Variants in PSD3 observed in about 807,000 individuals in gnomAD.
PSD3 encodes PH and SEC7 domain-containing protein 3.
PSD3 carries 49 observed loss-of-function variants against 105.5 expected under a neutral mutation model. The observed-to-expected ratio is 0.46, with a 90% CI of 0.37 to 0.59. The LOEUF (loss-of-function observed/expected upper bound fraction) is 0.59, where lower values mean the gene tolerates loss of function less well. Ranked by LOEUF, PSD3 falls within the 20% of genes least tolerant of loss-of-function variation. The pLI is 0.00. For synonymous variants in PSD3, 557 were observed against 457.8 expected (o/e 1.22, Z -2.77); for missense variants, 1,561 against 1,263.8 (o/e 1.24, Z -3.57).
intron 1 of PSD3, among the ~76,000 whole-genome samples, chr8:18,970,344 A>AAAAAAAAAAAAAAAAAG (rs1563474672): frequency 2.0e-5 from 3 of 148,408 alleles, no homozygotes; most frequent in African/African-American, 7.6e-5. Flanking sequence ...AAAAAAAAAA[A>AAAAAAAAAAAAAAAAAG]AAAACAAAGA....
In PSD3 at chr8:18,977,896, A is replaced by G. The variant is rs537540432; in HGVS notation, c.21+35667T>C. On this transcript the variant is annotated intron_variant, in intron 1 of 15. Coordinates refer to ENST00000327040, the MANE Select transcript of PSD3 (RefSeq NM_015310.4). ...GTCGTAATTTATTTCCAAGCATAGAAGTCACAAAGGAAGAGGTTAAACTGA... is the reference window on the plus strand; with the variant it reads ...GTCGTAATTTATTTCCAAGCATAGAGGTCACAAAGGAAGAGGTTAAACTGA... Among the ~76,000 whole-genome samples the G allele has an allele frequency of 1.3e-4, 20 of 152,360 alleles. No homozygotes were observed. The South Asian group carries it at 1.4e-3, about 11-fold the overall frequency.
chr8:18,971,781 G>A (rs1024900832), intron 1 of PSD3, among the ~76,000 whole-genome samples: 1 of 152,134 alleles, frequency 6.6e-6, no homozygotes, highest in African/African-American at 2.4e-5. Context: ...AAGGCAGGTG[G>A]ATCACTTGAG....
chr8:18,605,888 T>A (rs1208773319), intron 11 of PSD3, among the ~76,000 whole-genome samples: 1 of 152,172 alleles, frequency 6.6e-6, no homozygotes. Context: ...CCTTCCACCA[T>A]AATTCTAAGT....
chr8:18,859,224 C>CT (rs35179243), intron 4 of PSD3, among the ~76,000 whole-genome samples: 25,655 of 130,282 alleles, frequency 0.2, 2,705 homozygotes, highest in East Asian at 0.29. Context: ...CAAAGAAATC[C>CT]TTTTTTTTTT....
At chr8:18,951,943 T>TG (rs1341635247) in intron 1 of PSD3, among the ~76,000 whole-genome samples, 4 of 152,008 alleles carry the variant, frequency 2.6e-5, no homozygotes, top group African/African-American at 7.3e-5. Context: ...CACCCCAGCC[T>TG]GGGCAACAAG....
At chr8:18,580,105 G>C (rs1802714664) in intron 12 of PSD3, among the ~76,000 whole-genome samples, 1 of 152,072 alleles carries the variant, frequency 6.6e-6, no homozygotes, top group Non-Finnish European at 1.5e-5. Context: ...AAGTATGTCT[G>C]ATTAGGCGTC....
intron 15 of PSD3, among the ~76,000 whole-genome samples, chr8:18,545,947 C>T (rs540753876): frequency 8.5e-5 from 13 of 152,294 alleles, no homozygotes; most frequent in Non-Finnish European, 1.8e-4. Flanking sequence ...CAGTGATCTC[C>T]TAAGACATTT....
intron 8 of PSD3, among the ~76,000 whole-genome samples, chr8:18,793,121 A>C (rs1809878295): frequency 6.6e-6 from 1 of 152,108 alleles, no homozygotes; most frequent in Non-Finnish European, 1.5e-5. Context: ...TGGGAACTGA[A>C]CAATGAGAAC....
chr8:18,880,282 A>T (rs1173013499), intron 2 of PSD3, among the ~76,000 whole-genome samples: 2 of 152,208 alleles, frequency 1.3e-5, no homozygotes, highest in Non-Finnish European at 2.9e-5. Context: ...TTCCTATTAA[A>T]TGCCCATTGT....
chr8:18,552,533 G>T (rs959380831), intron 15 of PSD3, among the ~76,000 whole-genome samples: 3 of 152,152 alleles, frequency 2.0e-5, no homozygotes, highest in Admixed American at 2.0e-4. Context: ...ACTGTGCTTT[G>T]TTTGGAGCCT....
chr8:18,647,463 C>A (rs953099990), intron 10 of PSD3, among the ~76,000 whole-genome samples: 2 of 152,106 alleles, frequency 1.3e-5, no homozygotes, highest in African/African-American at 4.8e-5. Context: ...AAGATTATTC[C>A]ACGATGCAAA....
intron 15 of PSD3, among the ~76,000 whole-genome samples, chr8:18,550,144 G>C (rs17694550): frequency 0.023 from 3,576 of 152,286 alleles, 66 homozygotes; most frequent in East Asian, 0.086. Context: ...ATTGATGAAG[G>C]AGGGATTTAA....
intron 1 of PSD3, among the ~76,000 whole-genome samples, chr8:18,997,142 G>A (rs988903251): frequency 1.3e-5 from 2 of 151,706 alleles, no homozygotes; most frequent in African/African-American, 4.8e-5. Flanking sequence ...CATCCAGTTT[G>A]TATATTCTGA....
At chr8:18,571,143 G>A (rs1021551297) in intron 14 of PSD3, among the ~76,000 whole-genome samples, 4 of 152,116 alleles carry the variant, frequency 2.6e-5, no homozygotes, top group Non-Finnish European at 4.4e-5. Flanking sequence ...TTACAGGCAT[G>A]AGCCACTGTG....
intron 2 of PSD3, among the ~76,000 whole-genome samples, chr8:18,892,502 C>T (rs1818866905): frequency 6.6e-6 from 1 of 151,988 alleles, no homozygotes; most frequent in Admixed American, 6.6e-5. Context: ...GGATTACAGG[C>T]GTGAGCCACC....
intron 2 of PSD3, among the ~76,000 whole-genome samples, chr8:18,905,354 T>G (rs570881423): frequency 1.3e-5 from 2 of 152,302 alleles, no homozygotes; most frequent in Non-Finnish European, 1.5e-5. Flanking sequence ...GACGGAGTCT[T>G]GCTCTGTTGC....
At chr8:18,843,332 C>CAAAAA (rs371463032) in intron 4 of PSD3, among the ~76,000 whole-genome samples, 1 of 118,616 alleles carries the variant, frequency 8.4e-6, no homozygotes, top group Non-Finnish European at 1.8e-5. Context: ...GACTCCGTCT[C>CAAAAA]AAAAAAAAAA....
Position 18,868,081 on chromosome 8 carries a change from A to G in PSD3, c.1239-12T>C. 6.3e-7 allele frequency: 1 copy of G among 1,578,404 alleles called. No individual in the cohort carries two copies. The highest frequency in any genetic ancestry group is 2.2e-5 in the East Asian group (1 of 44,590). ...CTTGTTCGCTGATCCTGGAAAGTAA[A>G]TAAGAGTGAAGAATTCCAATATTAG... On this transcript the variant is annotated splice_polypyrimidine_tract_variant and intron_variant, in intron 3 of 15. Transcript: ENST00000327040.
At chr8:18,675,452 G>A (rs757309270) in intron 9 of PSD3, among the ~76,000 whole-genome samples, 3 of 152,176 alleles carry the variant, frequency 2.0e-5, no homozygotes, top group Non-Finnish European at 4.4e-5. Context: ...TGGCAGTAAC[G>A]AGTACACTAG....
Sources: allele counts gnomAD v4.1 joint callset (sites outside exome capture counted in the v4.1 genomes callset), GRCh38; gene constraint gnomAD v4.1.1; transcripts MANE v1.5; gene names NCBI Gene and HGNC (gene_info 2026-07-23, HGNC 2026-07-21).